The following CAMK1D variants were observed in gnomAD, a reference collection of about 807,000 sequenced individuals.
CAMK1D encodes the protein calcium/calmodulin dependent protein kinase ID.
A neutral mutation model predicts 47.7 loss-of-function variants in CAMK1D; 9 were observed. That is an observed-to-expected ratio of 0.19 (90% confidence interval 0.11 to 0.33). The LOEUF (loss-of-function observed/expected upper bound fraction) is 0.33, where lower values mean the gene tolerates loss of function less well. Ranked by LOEUF, CAMK1D falls within the 10% of genes least tolerant of loss-of-function variation. CAMK1D has a pLI of 1.00. For synonymous variants in CAMK1D, 184 were observed against 184.9 expected, an observed-to-expected ratio of 0.99 and a Z score of 0.04; for missense variants, 291 against 488.7, an observed-to-expected ratio of 0.60 and a Z score of 3.81.
intron 2 of CAMK1D, among the ~76,000 whole-genome samples, chr10:12,648,059 A>C (rs1416011929): frequency 6.6e-6 from 1 of 152,232 alleles, no homozygotes; most frequent in African/African-American, 2.4e-5. Context: ...AAGAATTCAA[A>C]ATTCAAACCT....
chr10:12,449,780 C>G (rs2132030370), intron 1 of CAMK1D, among the ~76,000 whole-genome samples: 2 of 152,244 alleles, frequency 1.3e-5, no homozygotes, highest in Middle Eastern at 3.4e-3. Context: ...GGGTGGATCA[C>G]TGGAGGTTAG....
chr10:12,615,983 G>A (rs557938872), intron 2 of CAMK1D, among the ~76,000 whole-genome samples: 3 of 150,972 alleles, frequency 2.0e-5, no homozygotes, highest in Admixed American at 6.6e-5. Flanking sequence ...CATGTGTGTT[G>A]TGTCTGTATA....
At chr10:12,414,258 A>G (rs1839769639) in intron 1 of CAMK1D, among the ~76,000 whole-genome samples, 1 of 152,252 alleles carries the variant, frequency 6.6e-6, no homozygotes. Context: ...GATGTTTTAT[A>G]ACGTTTTCTG....
chr10:12,767,904 C>T (rs1277210303), intron 4 of CAMK1D, among the ~76,000 whole-genome samples: 2 of 152,178 alleles, frequency 1.3e-5, no homozygotes, highest in Admixed American at 1.3e-4. Context: ...CGGAGTTTCA[C>T]TCTTGTCATC....
intron 1 of CAMK1D, among the ~76,000 whole-genome samples, chr10:12,427,048 C>T (rs2131980402): frequency 6.6e-6 from 1 of 152,058 alleles, no homozygotes; most frequent in East Asian, 1.9e-4. Context: ...TGAGGTCTCC[C>T]TATATTGCCC....
chr10:12,605,621 G>A (rs943600316), intron 2 of CAMK1D, among the ~76,000 whole-genome samples: 17 of 152,086 alleles, frequency 1.1e-4, no homozygotes, highest in African/African-American at 4.1e-4. Flanking sequence ...ACTTCAGAGA[G>A]ATGATACAAA....
At chr10:12,428,662 C>G (rs1265815322) in intron 1 of CAMK1D, among the ~76,000 whole-genome samples, 1 of 152,204 alleles carries the variant, frequency 6.6e-6, no homozygotes, top group East Asian at 1.9e-4. Context: ...CTGCTGGCTC[C>G]CACTGCCCTT....
chr10:12,645,081 A>G (rs920425713), intron 2 of CAMK1D, among the ~76,000 whole-genome samples: 26 of 152,248 alleles, frequency 1.7e-4, no homozygotes, highest in African/African-American at 6.3e-4. Context: ...AATCACTCCA[A>G]AATTCATATC....
At chr10:12,479,076 C>T (rs983855326) in intron 1 of CAMK1D, among the ~76,000 whole-genome samples, 11 of 152,196 alleles carry the variant, frequency 7.2e-5, no homozygotes, top group Non-Finnish European at 1.3e-4. Context: ...GCCAATGACT[C>T]TCAAACTTGA....
chr10:12,612,374 A>G (rs959257954), intron 2 of CAMK1D, among the ~76,000 whole-genome samples: 6 of 126,110 alleles, frequency 4.8e-5, no homozygotes, highest in African/African-American at 3.2e-5. Context: ...CAGGGTCCCT[A>G]TCTCTTGCCC....
At chr10:12,488,787 G>A (rs1487102187) in intron 1 of CAMK1D, among the ~76,000 whole-genome samples, 1 of 152,130 alleles carries the variant, frequency 6.6e-6, no homozygotes, top group Non-Finnish European at 1.5e-5. Flanking sequence ...GTTCACAATA[G>A]GGTTCATACT....
intron 1 of CAMK1D, among the ~76,000 whole-genome samples, chr10:12,457,016 A>G (rs1833269965): frequency 6.6e-6 from 1 of 152,184 alleles, no homozygotes; most frequent in South Asian, 2.1e-4. Flanking sequence ...AGTGGCCATC[A>G]GTCAATAAGG....
At chr10:12,569,846 G>A (rs1837266306) in intron 2 of CAMK1D, among the ~76,000 whole-genome samples, 1 of 151,948 alleles carries the variant, frequency 6.6e-6, no homozygotes. Flanking sequence ...TCACTTAAGT[G>A]GATGTGGCAG....
intron 2 of CAMK1D, among the ~76,000 whole-genome samples, chr10:12,604,397 A>G (rs561335590): frequency 1.3e-5 from 2 of 152,248 alleles, no homozygotes; most frequent in Admixed American, 1.3e-4. Context: ...TCAGATAAAC[A>G]GGGAAAAAAT....
intron 1 of CAMK1D, among the ~76,000 whole-genome samples, chr10:12,473,327 G>A (rs1424208396): frequency 6.6e-6 from 1 of 152,076 alleles, no homozygotes; most frequent in Non-Finnish European, 1.5e-5. Context: ...CCAGCTACTC[G>A]GAAGGCTGAG....
At chr10:12,480,366 C>T (rs567565452) in intron 1 of CAMK1D, among the ~76,000 whole-genome samples, 7 of 151,536 alleles carry the variant, frequency 4.6e-5, no homozygotes, top group South Asian at 2.1e-4. Flanking sequence ...ACCCGGGAGG[C>T]GGAGGTTGCA....
At chr10:12,357,447 G>A (rs1395279762) in intron 1 of CAMK1D, among the ~76,000 whole-genome samples, 2 of 152,134 alleles carry the variant, frequency 1.3e-5, no homozygotes, top group Non-Finnish European at 2.9e-5. Context: ...TCCCGAGTAG[G>A]TAGGACTACA....
At chr10:12,550,551 T>C (rs1047835597) in intron 1 of CAMK1D, among the ~76,000 whole-genome samples, 2 of 152,228 alleles carry the variant, frequency 1.3e-5, no homozygotes, top group Non-Finnish European at 2.9e-5. Flanking sequence ...ACAAAAGCCG[T>C]TGGCCATGGC....
intron 2 of CAMK1D, among the ~76,000 whole-genome samples, chr10:12,610,537 T>C (rs1302429293): frequency 2.0e-5 from 3 of 152,212 alleles, no homozygotes; most frequent in Non-Finnish European, 4.4e-5. Context: ...TATAATGGGA[T>C]GTCAAGAACA....
Sources: allele counts gnomAD v4.1 joint callset (sites outside exome capture counted in the v4.1 genomes callset), GRCh38; gene constraint gnomAD v4.1.1; transcripts MANE v1.5; gene names NCBI Gene and HGNC (gene_info 2026-07-23, HGNC 2026-07-21).